SLC24A2: variants seen among roughly 807,000 people sequenced by gnomAD.
The protein encoded by SLC24A2 is sodium/potassium/calcium exchanger 2.
In SLC24A2, 36 loss-of-function variants were observed where a neutral mutation model predicts 62.0. The ratio of observed to expected loss-of-function variants is 0.58; its 90% CI spans 0.44 to 0.77. The LOEUF (loss-of-function observed/expected upper bound fraction) is 0.77. Among genes scored for constraint, SLC24A2 ranks in the 30% least tolerant of loss-of-function variants. The pLI, the probability that SLC24A2 is intolerant of heterozygous loss-of-function variation, is 0.00. For missense variants in SLC24A2, 846 were observed against 817.9 expected, an observed-to-expected ratio of 1.03 and a Z score of -0.42; for synonymous variants, 358 against 294.0, an observed-to-expected ratio of 1.22 and a Z score of -2.23.
the SLC24A2 span, among the ~76,000 whole-genome samples, chr9:20,288,041 A>AC: frequency 0.088 from 12,852 of 146,626 alleles, 1,537 homozygotes; most frequent in African/African-American, 0.26. Context: ...TTAGGAAAAA[A>AC]ACACACACAC....
At chr9:19,535,775 G>C (rs1028800048) in intron 8 of SLC24A2, among the ~76,000 whole-genome samples, 3 of 152,174 alleles carry the variant, frequency 2.0e-5, no homozygotes, top group Admixed American at 2.0e-4. Flanking sequence ...GAGTCAGGTA[G>C]TGTGATGCCT....
In SLC24A2 at chr9:19,786,954, G is replaced by A; in HGVS notation, c.-88C>T. The A allele has an allele frequency of 3.2e-6, 5 of 1,542,600 alleles. No homozygotes were observed. Among genetic ancestry groups the A allele is most frequent in the Non-Finnish European group, 4.3e-6 (5 of 1,151,302 alleles). On this transcript the variant is annotated 5_prime_UTR_variant, in exon 2 of 11. Transcript: ENST00000341998. The surrounding 1 kb of genome is among the most constrained non-coding windows in gnomAD (Gnocchi z 5.0). Reference sequence around the variant, plus strand: ...TACTTTTCCTTACTTTATAGTTAACGATGCTTGTGGGGTACTTTCACAATC... The same window carrying A: ...TACTTTTCCTTACTTTATAGTTAACAATGCTTGTGGGGTACTTTCACAATC...
chr9:20,262,818 G>C, the SLC24A2 span, among the ~76,000 whole-genome samples: 1 of 152,098 alleles, frequency 6.6e-6, no homozygotes, highest in Non-Finnish European at 1.5e-5. Context: ...CGCCCTCCTA[G>C]GTGTCTGCAC....
At position 19,749,747 on chromosome 9, in the gene SLC24A2, C is replaced by T. The variant is rs111630858; in HGVS notation, c.930+36190G>A. Among the ~76,000 whole-genome samples, 123 of 151,958 alleles carry T rather than the reference C, an allele frequency of 8.1e-4. 1 individual carries two copies. Among genetic ancestry groups the T allele is most frequent in the Non-Finnish European group, 2.4e-4 (16 of 67,910 alleles). ...CTTGTATAATGAAAAACGAAACTTA[C>T]CTAGCATCTCATATTTTATCTGGCA... On this transcript the variant is annotated intron_variant, in intron 2 of 10. Transcript: ENST00000341998.
the SLC24A2 span, among the ~76,000 whole-genome samples, chr9:20,048,570 T>G: frequency 6.6e-6 from 1 of 152,174 alleles, no homozygotes; most frequent in Non-Finnish European, 1.5e-5. Flanking sequence ...TCTTGGCAAA[T>G]GTATAACAAA....
At chr9:20,221,804 C>A in the SLC24A2 span, among the ~76,000 whole-genome samples, 1 of 151,982 alleles carries the variant, frequency 6.6e-6, no homozygotes, top group Non-Finnish European at 1.5e-5. Flanking sequence ...TAACTGTCAA[C>A]CTGCAATTTC....
At chr9:20,202,581 T>C in the SLC24A2 span, among the ~76,000 whole-genome samples, 1 of 151,928 alleles carries the variant, frequency 6.6e-6, no homozygotes, top group Non-Finnish European at 1.5e-5. Flanking sequence ...TGCCTACAAA[T>C]AGAAAGACAA....
the SLC24A2 span, among the ~76,000 whole-genome samples, chr9:19,846,070 T>C: frequency 6.6e-6 from 1 of 152,242 alleles, no homozygotes; most frequent in Admixed American, 6.5e-5. Context: ...TATTTTGTGT[T>C]TGATAGGTGG....
chr9:19,542,036 G>C (rs942332462), intron 8 of SLC24A2, among the ~76,000 whole-genome samples: 13 of 152,172 alleles, frequency 8.5e-5, no homozygotes, highest in African/African-American at 2.9e-4. Context: ...CGCTTCCCAG[G>C]TGAGGCAATG....
the SLC24A2 span, among the ~76,000 whole-genome samples, chr9:19,798,987 C>T: frequency 2.0e-5 from 3 of 151,622 alleles, no homozygotes; most frequent in Admixed American, 6.5e-5. Context: ...CCCTCATTTT[C>T]ATCTTCTTGT....
At chr9:20,272,054 G>A in the SLC24A2 span, among the ~76,000 whole-genome samples, 1 of 152,182 alleles carries the variant, frequency 6.6e-6, no homozygotes, top group African/African-American at 2.4e-5. Context: ...TTAGGGTCAG[G>A]AAGGATAATT....
chr9:19,650,903 C>T (rs566428943), intron 2 of SLC24A2, among the ~76,000 whole-genome samples: 2 of 151,738 alleles, frequency 1.3e-5, no homozygotes, highest in African/African-American at 4.9e-5. Flanking sequence ...CTTCTGTTGG[C>T]AGGGTTGAAA....
intron 2 of SLC24A2, among the ~76,000 whole-genome samples, chr9:19,706,208 G>A (rs1490470064): frequency 1.3e-5 from 2 of 151,240 alleles, no homozygotes; most frequent in South Asian, 4.2e-4. Flanking sequence ...TGTCTCTTTT[G>A]ATCTTTGTTG....
the SLC24A2 span, among the ~76,000 whole-genome samples, chr9:19,823,986 T>G: frequency 1.3e-5 from 2 of 152,160 alleles, no homozygotes; most frequent in African/African-American, 4.8e-5. Flanking sequence ...AAACGGAAAC[T>G]GGACCCCTGC....
chr9:19,824,877 G>C, the SLC24A2 span, among the ~76,000 whole-genome samples: 1 of 152,130 alleles, frequency 6.6e-6, no homozygotes, highest in Non-Finnish European at 1.5e-5. Context: ...GCAGGGACAT[G>C]GATGAAGCTG....
the SLC24A2 span, among the ~76,000 whole-genome samples, chr9:20,112,847 C>A: frequency 3.0e-4 from 46 of 152,084 alleles, no homozygotes; most frequent in Middle Eastern, 3.4e-3. Flanking sequence ...CCTGCCCTAC[C>A]ACCATCTTTC....
chr9:19,886,490 T>C, the SLC24A2 span, among the ~76,000 whole-genome samples: 1 of 148,330 alleles, frequency 6.7e-6, no homozygotes, highest in Non-Finnish European at 1.5e-5. Flanking sequence ...GAAATGCAAA[T>C]CAAAACCACA....
At chr9:19,995,185 C>T in the SLC24A2 span, among the ~76,000 whole-genome samples, 1 of 151,800 alleles carries the variant, frequency 6.6e-6, no homozygotes, top group East Asian at 1.9e-4. Context: ...ATATTGGCTC[C>T]TTTTTTCCTC....
intron 8 of SLC24A2, among the ~76,000 whole-genome samples, chr9:19,534,899 G>A (rs1258494046): frequency 6.6e-6 from 1 of 152,044 alleles, no homozygotes; most frequent in African/African-American, 2.4e-5. Flanking sequence ...GGGTCAAATG[G>A]TATTTCTAAT....
Sources: gnomAD v4.1 joint callset for allele counts (sites outside exome capture counted in the v4.1 genomes callset) on GRCh38, gnomAD v4.1.1 for gene constraint, Gnocchi (gnomAD v3.1) non-coding constraint, MANE v1.5 for transcripts, NCBI Gene and HGNC (gene_info 2026-07-23, HGNC 2026-07-21) for gene names.